ZNF789: variants seen among roughly 807,000 people sequenced by gnomAD.
ZNF789 encodes zinc finger protein 789.
In ZNF789, 11 loss-of-function variants were observed where a neutral mutation model predicts 15.6. The ratio of observed to expected loss-of-function variants is 0.70; its 90% CI spans 0.44 to 1.16. The LOEUF (loss-of-function observed/expected upper bound fraction) is 1.16. Among genes scored for constraint, ZNF789 ranks in the 50% most tolerant of loss-of-function variants. The probability of loss-of-function intolerance (pLI) is 0.00; values close to 1 mark genes in which losing one functional copy is unlikely to be tolerated. For missense variants in ZNF789, 461 were observed against 512.6 expected (o/e 0.90, Z 0.97); for synonymous variants, 159 against 176.0 (o/e 0.90, Z 0.76).
At chr7:99,477,853 C>T (rs1427673910) in intron 2 of ZNF789, among the ~76,000 whole-genome samples, 3 of 152,188 alleles carry the variant, frequency 2.0e-5, no homozygotes, top group Non-Finnish European at 2.9e-5. Flanking sequence ...GAAGCTGAGG[C>T]AGGAGAATTG....
chr7:99,483,831 G>A, intron 3 of ZNF789, 199 bp from the exon 4 acceptor site: 1 of 781,974 alleles, frequency 1.3e-6, no homozygotes, highest in Non-Finnish European at 2.4e-6. Flanking sequence ...ATATTTCTAA[G>A]AGTGAAATGA....
intron 2 of ZNF789, among the ~76,000 whole-genome samples, chr7:99,477,650 G>A (rs544796269): frequency 6.6e-6 from 1 of 151,654 alleles, no homozygotes; most frequent in South Asian, 2.1e-4. Flanking sequence ...AGAAGAGACT[G>A]AGTTTGAAAG....
chr7:99,473,767 C>T (rs900726740), intron 1 of ZNF789, among the ~76,000 whole-genome samples: 1 of 152,178 alleles, frequency 6.6e-6, no homozygotes, highest in African/African-American at 2.4e-5. Context: ...ACTACAGGCA[C>T]GCGCCACCAT....
intron 3 of ZNF789, chr7:99,481,534 C>A (rs947124365): frequency 6.6e-6 from 1 of 152,448 alleles, no homozygotes; most frequent in Non-Finnish European, 1.5e-5. Context: ...CTCAGCTCAC[C>A]ACAACCTCTG....
intron 4 of ZNF789, among the ~76,000 whole-genome samples, chr7:99,484,880 G>C (rs1799842723): frequency 6.6e-6 from 1 of 152,102 alleles, no homozygotes; most frequent in East Asian, 1.9e-4. Flanking sequence ...AGTGAGCTGA[G>C]ATTACATGAC....
chr7:99,484,586 C>T (rs921715482), intron 4 of ZNF789, among the ~76,000 whole-genome samples: 8 of 152,112 alleles, frequency 5.3e-5, no homozygotes, highest in African/African-American at 1.9e-4. Flanking sequence ...CGTCACTGCA[C>T]TCCAGCCTGG....
At position 99,476,495 on chromosome 7, in the gene ZNF789, C is replaced by T; in HGVS notation, c.24+15C>T. On this transcript the variant is annotated intron_variant, in intron 2 of 4. Coordinates refer to ENST00000331410, the MANE Select transcript of ZNF789 (RefSeq NM_213603.3). ...CCAGGGGGAAGGTGAGCTGTGCCTC[C>T]CCCTCTGCTTCATCAGCATAGTCAC... 1 of 1,611,192 alleles carries T rather than the reference C, an allele frequency of 6.2e-7. No homozygotes were observed. Among genetic ancestry groups the T allele is most frequent in the South Asian group, 1.1e-5 (1 of 90,274 alleles).
chr7:99,482,644 C>G (rs915575354), intron 3 of ZNF789, among the ~76,000 whole-genome samples: 1 of 151,162 alleles, frequency 6.6e-6, no homozygotes, highest in African/African-American at 2.4e-5. Flanking sequence ...CACCTGAGGT[C>G]GGGAGTTCGA....
intron 1 of ZNF789, among the ~76,000 whole-genome samples, chr7:99,475,604 T>C (rs1453489106): frequency 6.6e-6 from 1 of 152,074 alleles, no homozygotes; most frequent in African/African-American, 2.4e-5. Flanking sequence ...CTAGGATAAC[T>C]AGACTCGGAC....
intron 1 of ZNF789, among the ~76,000 whole-genome samples, chr7:99,475,254 C>T (rs1799259445): frequency 6.6e-6 from 1 of 152,040 alleles, no homozygotes; most frequent in Non-Finnish European, 1.5e-5. Context: ...AGTAGCTGGG[C>T]ATGGCGGCGG....
Position 99,487,407 on chromosome 7 carries a change from T to A in ZNF789, c.1197T>A (p.Cys399Ter). 6.2e-7 allele frequency: 1 copy of A among 1,614,228 alleles called. No individual in the cohort carries two copies. The highest frequency in any genetic ancestry group is 8.5e-7 in the Non-Finnish European group (1 of 1,180,038). Residue 399 changes from cysteine to a stop codon, truncating the protein, a stop_gained, in exon 5 of 5, where the codon TGT (cysteine) becomes TGA (stop). Transcript: ENST00000331410. LOFTEE classifies it low-confidence loss of function (END_TRUNC). ...ACACTGGAAGCCAACCCTACCAATG[T>A]GTCATATGTGGAAAATCTTTCAAGT... is the stretch of plus-strand genomic sequence containing the variant. The part of the protein sequence containing the change: ...VIHTGSQPYQ[C>*]VICGKSFKWH...
Position 99,486,981 on chromosome 7 carries a change from C to T in ZNF789, c.771C>T (p.Tyr257=), listed in dbSNP as rs760976320. ...HKQCHLQNKP[Y]RCHDCGKCFR... is the part of the protein sequence containing the mutation. Reference sequence around the variant, plus strand: ...AGTGTCACCTGCAAAACAAGCCATACAGATGTCATGACTGTGGAAAGTGTT... The same window carrying T: ...AGTGTCACCTGCAAAACAAGCCATATAGATGTCATGACTGTGGAAAGTGTT... The change falls in exon 5 of 5, where the codon TAC becomes TAT. Residue 257 remains tyrosine (Y), a synonymous_variant. Coordinates refer to ENST00000331410, the MANE Select transcript of ZNF789 (RefSeq NM_213603.3). The T allele has an allele frequency of 1.4e-5, 23 of 1,614,046 alleles. No homozygotes were observed. Among genetic ancestry groups the T allele is most frequent in the Non-Finnish European group, 1.9e-5 (22 of 1,180,056 alleles).
At chr7:99,480,178 A>G in intron 3 of ZNF789, 1 of 202,476 alleles carries the variant, frequency 4.9e-6, no homozygotes, top group East Asian at 1.1e-4. Flanking sequence ...TGCGAAAATT[A>G]GCCTGGTGTG....
Position 99,487,001 on chromosome 7 carries a change from AGT to A in ZNF789, c.794_795del (p.Cys265PhefsTer9). 3 of 1,614,156 alleles carry A rather than the reference AGT, an allele frequency of 1.9e-6. No homozygotes were observed. Among genetic ancestry groups the A allele is most frequent in the Non-Finnish European group, 2.5e-6 (3 of 1,180,040 alleles). ...CCATACAGATGTCATGACTGTGGAA[AGT>A]GTTTTCGGCAGCTCGCGTATCTTGT... On this transcript the variant is annotated frameshift_variant, in exon 5 of 5. Coordinates refer to ENST00000331410, the MANE Select transcript of ZNF789 (RefSeq NM_213603.3). LOFTEE classifies it low-confidence loss of function (END_TRUNC).
rs1162706581 is a variant in ZNF789, at chr7:99,486,546, T to C, written c.336T>C (p.Tyr112=). ...KQKFSEDLES[Y]KISVVMQESA... is the part of the protein sequence containing the mutation. ...AATTTTCTGAAGATTTAGAGTCATA[T>C]AAGATATCAGTGGTAATGCAGGAAT... is the stretch of plus-strand genomic sequence containing the variant. The change falls in exon 5 of 5, where the codon TAT becomes TAC. Residue 112 remains tyrosine, a synonymous_variant. Coordinates refer to ENST00000331410, the MANE Select transcript of ZNF789 (RefSeq NM_213603.3). The C allele has an allele frequency of 6.2e-7, 1 of 1,613,986 alleles. No homozygotes were observed. Among genetic ancestry groups the C allele is most frequent in the Non-Finnish European group, 8.5e-7 (1 of 1,180,024 alleles).
At chr7:99,483,115 C>T (rs1160159071) in intron 3 of ZNF789, among the ~76,000 whole-genome samples, 1 of 149,544 alleles carries the variant, frequency 6.7e-6, no homozygotes, top group Non-Finnish European at 1.5e-5. Context: ...CCTGTAATTC[C>T]AGCTACTTGG....
intron 4 of ZNF789, chr7:99,485,095 T>G: frequency 3.0e-6 from 4 of 1,321,354 alleles, no homozygotes; most frequent in Non-Finnish European, 4.1e-6. Flanking sequence ...TCCACCCTCA[T>G]TACTTGTCCT....
At chr7:99,485,740 G>A (rs777241345) in intron 4 of ZNF789, among the ~76,000 whole-genome samples, 20 of 152,172 alleles carry the variant, frequency 1.3e-4, no homozygotes, top group Non-Finnish European at 2.5e-4. Context: ...GCTAAGGCAC[G>A]AGAATCTCTT....
intron 2 of ZNF789, chr7:99,478,421 A>G: frequency 8.0e-7 from 1 of 1,255,976 alleles, no homozygotes; most frequent in South Asian, 1.2e-5. Flanking sequence ...GAAAGTCCGT[A>G]TAATTTGGGA....
Sources: gnomAD v4.1 joint callset for allele counts (sites outside exome capture counted in the v4.1 genomes callset) on GRCh38, gnomAD v4.1.1 for gene constraint, MANE v1.5 for transcripts, NCBI Gene and HGNC (gene_info 2026-07-23, HGNC 2026-07-21) for gene names.